TGFBRAP1: variants seen among roughly 807,000 people sequenced by gnomAD.
TGFBRAP1 encodes the protein transforming growth factor beta receptor associated protein 1.
Under a neutral mutation model 83.2 loss-of-function variants are expected in TGFBRAP1, and 20 were observed. The ratio of observed to expected loss-of-function variants is 0.24; its 90% CI spans 0.17 to 0.35. The LOEUF is 0.35. TGFBRAP1 is among the 10% of genes least tolerant of loss of function. The pLI is 1.00. For missense variants in TGFBRAP1, 950 were observed against 1,099.4 expected (o/e 0.86, Z 1.92); for synonymous variants, 415 against 459.8 (o/e 0.90, Z 1.25).
chr2:105,251,951 T>C, the TGFBRAP1 span, among the ~76,000 whole-genome samples: 1 of 149,116 alleles, frequency 6.7e-6, no homozygotes, highest in Non-Finnish European at 1.5e-5. Context: ...GGCAGCATGC[T>C]CGTTAAGAGT....
In TGFBRAP1 at chr2:105,287,074, G is replaced by A. The variant is rs1447546564; in HGVS notation, c.1039-2676C>T. Among the ~76,000 whole-genome samples, 6 of 152,164 alleles carry A rather than the reference G, an allele frequency of 3.9e-5. No homozygotes were observed. The East Asian group carries it at 5.8e-4, about 15-fold the overall frequency. On this transcript the variant is annotated intron_variant, in intron 4 of 11. Transcript: ENST00000393359. ...AACACAGATGAACGTTGAGGACAAC[G>A]TGCTCAGTGAAGTCAGCCAGTCACA...
Position 105,307,710 on chromosome 2 carries a change from A to G in TGFBRAP1, c.592T>C (p.Ser198Pro), listed in dbSNP as rs1678553589. The G allele has an allele frequency of 6.2e-7, 1 of 1,614,002 alleles. No homozygotes were observed. Among genetic ancestry groups the G allele is most frequent in the Admixed American group, 1.7e-5 (1 of 59,994 alleles). ...CTGCAGTAGGGAAACAGGTCCTGGG[A>G]GACGCCTGTGCTGTAATTGTGGATG... ...YIIHNYSTGV[S>P]QDLFPYCSEE... The change falls in exon 2 of 12, where the codon TCC (serine) becomes CCC (proline). Residue 198 changes from serine to proline, a missense_variant. Transcript: ENST00000393359.
intron 1 of TGFBRAP1, among the ~76,000 whole-genome samples, chr2:105,319,711 A>G (rs1678998637): frequency 6.7e-6 from 1 of 148,460 alleles, no homozygotes; most frequent in African/African-American, 2.5e-5. Flanking sequence ...AAAAGGAAAG[A>G]AAAAAAAAGA....
intron 2 of TGFBRAP1, among the ~76,000 whole-genome samples, chr2:105,303,653 C>G (rs1256090594): frequency 1.3e-5 from 2 of 152,162 alleles, no homozygotes; most frequent in Non-Finnish European, 2.9e-5. Flanking sequence ...CTGAATTGAT[C>G]TGGGCAGTAA....
chr2:105,311,750 CA>C (rs976300814), intron 1 of TGFBRAP1, among the ~76,000 whole-genome samples: 1 of 150,996 alleles, frequency 6.6e-6, no homozygotes, highest in Admixed American at 6.6e-5. Context: ...AATACACACA[CA>C]AAAAAAAGTT....
At chr2:105,299,188 G>T (rs1174758741) in intron 2 of TGFBRAP1, among the ~76,000 whole-genome samples, 1 of 152,108 alleles carries the variant, frequency 6.6e-6, no homozygotes, top group Non-Finnish European at 1.5e-5. Flanking sequence ...GGCTAAGGTG[G>T]AAAGATCACT....
At chr2:105,252,179 T>C in the TGFBRAP1 span, among the ~76,000 whole-genome samples, 1 of 152,226 alleles carries the variant, frequency 6.6e-6, no homozygotes, top group Admixed American at 6.5e-5. Flanking sequence ...ACTGCTGCCG[T>C]ATTTCCTCCT....
In TGFBRAP1 at chr2:105,277,681, A is replaced by T. The variant is rs1228062670; in HGVS notation, c.1464-10T>A. 1.8e-5 allele frequency: 29 copies of T among 1,613,924 alleles called. No homozygotes were observed. The highest frequency in any genetic ancestry group is 2.3e-5 in the Non-Finnish European group (27 of 1,179,902). ...TCCAAGTGCAAAATACCTGAAACAG[A>T]ACAACACGGTAAGTACAACCTCTCC... On this transcript the variant is annotated splice_polypyrimidine_tract_variant and intron_variant, in intron 6 of 11. Coordinates refer to ENST00000393359, the MANE Select transcript of TGFBRAP1 (RefSeq NM_004257.6).
At chr2:105,309,964 C>T (rs1373943716) in intron 1 of TGFBRAP1, among the ~76,000 whole-genome samples, 2 of 152,152 alleles carry the variant, frequency 1.3e-5, no homozygotes, top group Non-Finnish European at 2.9e-5. Context: ...AGGCACCACC[C>T]CTGAGGGATG....
chr2:105,316,390 A>G (rs911650261), intron 1 of TGFBRAP1, among the ~76,000 whole-genome samples: 47 of 150,372 alleles, frequency 3.1e-4, no homozygotes, highest in Non-Finnish European at 6.1e-4. Context: ...AAAAAATGCC[A>G]TTCCAATACA....
the TGFBRAP1 span, among the ~76,000 whole-genome samples, chr2:105,252,157 A>G: frequency 7.9e-5 from 12 of 152,176 alleles, no homozygotes; most frequent in African/African-American, 2.9e-4. Flanking sequence ...AATAAATAAA[A>G]TAAAATAAAA....
rs1491281790 is a variant in TGFBRAP1 at position 105,300,453 on chromosome 2, TTC to T, written c.689-1750_689-1749del. On this transcript the variant is annotated intron_variant, in intron 2 of 11. Transcript: ENST00000393359. ...TAAAATCTTTTTTTTTTTTTTTTTT[TTC>T]CGAGACAGTCTCGCTCTGTTGCCCA... 3.3e-3 allele frequency among the ~76,000 whole-genome samples: 416 copies of T among 126,384 alleles called. 4 individuals carry two copies. The highest frequency in any genetic ancestry group is 0.01 in the African/African-American group (304 of 29,336). 82.9% of individuals were successfully genotyped at this position (126,384 alleles called of 152,430 possible).
rs1218517261 is a variant in TGFBRAP1, at chr2:105,308,139, G to C, written c.163C>G (p.Pro55Ala). The C allele has an allele frequency of 3.7e-6, 6 of 1,614,136 alleles. No homozygotes were observed. Among genetic ancestry groups the C allele is most frequent in the Non-Finnish European group, 4.2e-6 (5 of 1,180,028 alleles). ...AACGTGGCTGGCCCAGCAGGCACTG[G>C]CCTCTCCTCCAACAGGAAGTGGTAG... ...FVYHFLLEER[P>A]VPAGPATFTA... Residue 55 changes from proline (P) to alanine (A), a missense_variant, in exon 2 of 12, where the codon CCA becomes GCA. Transcript: ENST00000393359.
At chr2:105,300,540 G>A (rs1281376908) in intron 2 of TGFBRAP1, among the ~76,000 whole-genome samples, 1 of 149,034 alleles carries the variant, frequency 6.7e-6, no homozygotes, top group East Asian at 2.0e-4. Context: ...GGGTTCAAGC[G>A]ATTCTCCTGC....
chr2:105,252,178 G>A, the TGFBRAP1 span, among the ~76,000 whole-genome samples: 218 of 152,228 alleles, frequency 1.4e-3, 7 homozygotes, highest in East Asian at 0.037. Flanking sequence ...TACTGCTGCC[G>A]TATTTCCTCC....
intron 4 of TGFBRAP1, among the ~76,000 whole-genome samples, chr2:105,290,628 T>G (rs1381661659): frequency 6.7e-6 from 1 of 149,740 alleles, no homozygotes; most frequent in Non-Finnish European, 1.5e-5. Context: ...TGTGTGTGTG[T>G]GTGTGTGTGT....
rs747537551 is a variant in TGFBRAP1, at chr2:105,272,982, C to T, written c.1845G>A (p.Leu615=). 32 of 1,613,564 alleles carry T rather than the reference C, an allele frequency of 2.0e-5. No homozygotes were observed. In the South Asian group the frequency reaches 3.4e-4, roughly 17 times the overall value. Residue 615 remains leucine (L), a synonymous_variant, in exon 10 of 12, where the codon CTG becomes CTA. Coordinates refer to ENST00000393359, the MANE Select transcript of TGFBRAP1 (RefSeq NM_004257.6). ...KEEYHTHLAV[L]YLEEVLLQRA... is the part of the protein sequence containing the mutation. ...TCTGCAGCAGCACCTCTTCCAGGTA[C>T]AGCACAGCTAAGTGGGTGTGATACT...
intron 1 of TGFBRAP1, among the ~76,000 whole-genome samples, chr2:105,329,173 G>A (rs1344296224): frequency 6.6e-6 from 1 of 151,904 alleles, no homozygotes; most frequent in Middle Eastern, 3.2e-3. Context: ...CAATCACAGC[G>A]CCAAAACCAT....
chr2:105,305,018 T>C lies in TGFBRAP1; in HGVS notation c.688+2596A>G, dbSNP rs375384283. 6.6e-5 allele frequency among the ~76,000 whole-genome samples: 10 copies of C among 152,304 alleles called. No homozygotes were observed. In the East Asian group the frequency reaches 1.2e-3, roughly 18 times the overall value. On this transcript the variant is annotated intron_variant, in intron 2 of 11. Transcript: ENST00000393359. ...GAATGACACTACAATGGCGGATTCA[T>C]GTCATTACACATAACACATTTGTCG... is the stretch of plus-strand genomic sequence containing the variant.
Sources: gnomAD v4.1 joint callset for allele counts (sites outside exome capture counted in the v4.1 genomes callset) on GRCh38, gnomAD v4.1.1 for gene constraint, MANE v1.5 for transcripts, NCBI Gene and HGNC (gene_info 2026-07-23, HGNC 2026-07-21) for gene names.